ABRAXAS1: variants seen among roughly 807,000 people sequenced by gnomAD.
ABRAXAS1 encodes abraxas 1, BRCA1 A complex subunit.
A neutral mutation model predicts 38.4 loss-of-function variants in ABRAXAS1; 26 were observed. The ratio of observed to expected loss-of-function variants is 0.68; its 90% CI spans 0.50 to 0.94. The LOEUF is 0.94. Among genes scored for constraint, ABRAXAS1 ranks in the 40% least tolerant of loss-of-function variants. The pLI is 0.00. For synonymous variants in ABRAXAS1, 144 were observed against 165.5 expected (o/e 0.87, Z 1.00); for missense variants, 438 against 481.9 (o/e 0.91, Z 0.85).
intron 2 of ABRAXAS1, chr4:83,478,265 G>T (rs2110046232): frequency 6.0e-6 from 4 of 671,456 alleles, no homozygotes; most frequent in Non-Finnish European, 1.1e-5. Flanking sequence ...CGTGGGACAT[G>T]TGGATCTCTA....
chr4:83,463,510 T>C lies in ABRAXAS1; in HGVS notation c.780A>G (p.Ala260=), dbSNP rs1198547223. The change falls in exon 8 of 9, where the codon GCA becomes GCG. Residue 260 remains alanine, a synonymous_variant. Coordinates refer to ENST00000321945, the MANE Select transcript of ABRAXAS1 (RefSeq NM_139076.3). ...TTTACTTACTTGCTGCCTGAATCTG[T>C]GCTCCTCTCCTTTTCTCAATTTCTC... ...LKREIEKRRG[A]QIQAAREKNI... is the part of the protein sequence containing the mutation. 1.4e-5 allele frequency: 22 copies of C among 1,605,854 alleles called. No homozygotes were observed. Among genetic ancestry groups the C allele is most frequent in the East Asian group, 2.2e-5 (1 of 44,684 alleles).
At chr4:83,469,236 A>AC in intron 5 of ABRAXAS1, 85 bp from the exon 6 acceptor site, 1 of 1,227,264 alleles carries the variant, frequency 8.1e-7, no homozygotes, top group Non-Finnish European at 1.2e-6. Context: ...CTTGTCCCCT[A>AC]CAAGATTTAA....
At position 83,470,117 on chromosome 4, in the gene ABRAXAS1, G is replaced by C. The variant is rs141840518; in HGVS notation, c.476+86C>G. On this transcript the variant is annotated intron_variant, in intron 5 of 8. Transcript: ENST00000321945. ...GACAATCTGATGCGACAATATATGAGAACACTTTGTAAGCTGCAAAAAGTA... is the reference window on the plus strand; with the variant it reads ...GACAATCTGATGCGACAATATATGACAACACTTTGTAAGCTGCAAAAAGTA... The C allele has an allele frequency of 1.2e-4, 115 of 990,476 alleles. No homozygotes were observed. In the African/African-American group the frequency reaches 1.6e-3, roughly 14 times the overall value. 61.4% of individuals were successfully genotyped at this position (990,476 alleles called of 1,614,324 possible).
Position 83,461,101 on chromosome 4 carries a change from C to CT in ABRAXAS1, c.*1367dup, listed in dbSNP as rs1198573981. Reference sequence around the variant, plus strand: ...TTTGCTCATTATGTTTTGTCAAGAACTTTAATTATCTCTTTACAGGGTTTA... The same window carrying CT: ...TTTGCTCATTATGTTTTGTCAAGAACTTTTAATTATCTCTTTACAGGGTTTA... On this transcript the variant is annotated 3_prime_UTR_variant, in exon 9 of 9. Transcript: ENST00000321945. 44 of 1,612,818 alleles carry CT rather than the reference C, an allele frequency of 2.7e-5. No individual in the cohort carries two copies. In the Admixed American group the frequency reaches 2.8e-4, roughly 10 times the overall value.
rs113566465 is a variant in ABRAXAS1 at position 83,480,650 on chromosome 4, A to G, written c.178+1504T>C. ...GATCAAAAACCTTACAAGTGTTCAT[A>G]CCCTGTGACACAGTAATACCATATC... On this transcript the variant is annotated intron_variant, in intron 2 of 8. Transcript: ENST00000321945. Among the ~76,000 whole-genome samples the G allele has an allele frequency of 6.0e-3, 919 of 152,318 alleles. 11 individuals are homozygous for G. The highest frequency in any genetic ancestry group is 0.021 in the African/African-American group (879 of 41,572).
chr4:83,463,566 T>C lies in ABRAXAS1; in HGVS notation c.724A>G (p.Lys242Glu). The change falls in exon 8 of 9, where the codon AAA becomes GAA. Residue 242 changes from lysine (K) to glutamate (E), a missense_variant. By Grantham distance (56) the Lys-to-Glu change is moderately conservative (BLOSUM62 1). Transcript: ENST00000321945. ...KVEDSEQAVD[K>E]LVKDVNRLKR... ...AATCTGTTTACATCCTTTACTAGTT[T>C]ATCTACTGCTTGTTCACTGTCTTCC... 1.2e-6 allele frequency: 2 copies of C among 1,611,558 alleles called. No individual in the cohort carries two copies. Among genetic ancestry groups the C allele is most frequent in the Non-Finnish European group, 8.5e-7 (1 of 1,179,068 alleles).
chr4:83,483,119 T>C (rs568708639), intron 1 of ABRAXAS1, among the ~76,000 whole-genome samples: 1 of 152,308 alleles, frequency 6.6e-6, no homozygotes, highest in East Asian at 1.9e-4. Context: ...TTAAATTCAA[T>C]TTCAGAGTCT....
At position 83,467,477 on chromosome 4, in the gene ABRAXAS1, C is replaced by T. The variant is rs748861737; in HGVS notation, c.658G>A (p.Ala220Thr). The T allele has an allele frequency of 2.2e-5, 34 of 1,554,390 alleles. No individual in the cohort carries two copies. The highest frequency in any genetic ancestry group is 2.7e-5 in the Non-Finnish European group (31 of 1,128,744). ...KEVHKINEMY[A>T]SLQEELKSIC... is the part of the protein sequence containing the mutation. Reference sequence around the variant, plus strand: ...ACCTTTAATTCCTCTTGTAATGAAGCATACATTTCATTTATCTTATGTACC... The same window carrying T: ...ACCTTTAATTCCTCTTGTAATGAAGTATACATTTCATTTATCTTATGTACC... Residue 220 changes from alanine to threonine, a missense_variant, in exon 7 of 9, where the codon GCT becomes ACT. By Grantham distance (58) the Ala-to-Thr change is moderately conservative. Transcript: ENST00000321945.
rs903358483 is a variant in ABRAXAS1 at position 83,469,376 on chromosome 4, C to T, written c.477-225G>A. On this transcript the variant is annotated intron_variant, in intron 5 of 8. Coordinates refer to ENST00000321945, the MANE Select transcript of ABRAXAS1 (RefSeq NM_139076.3). ...TCTCCCAGGCTGCAGTGCAGTGGTG[C>T]GATCATGGCTCAATAATGCAGCTTC... 1.0e-4 allele frequency: 46 copies of T among 444,512 alleles called. No homozygotes were observed. The East Asian group carries it at 1.0e-3, about 10-fold the overall frequency. 27.5% of individuals were successfully genotyped at this position (444,512 alleles called of 1,614,324 possible).
chr4:83,468,148 A>G (rs183541302), intron 6 of ABRAXAS1, among the ~76,000 whole-genome samples: 3 of 152,126 alleles, frequency 2.0e-5, no homozygotes, highest in Admixed American at 1.3e-4. Flanking sequence ...ACTAAAAAAA[A>G]TACAAAATTA....
intron 2 of ABRAXAS1, among the ~76,000 whole-genome samples, chr4:83,481,103 G>C (rs990975215): frequency 6.6e-6 from 1 of 151,832 alleles, no homozygotes; most frequent in Non-Finnish European, 1.5e-5. Context: ...CTGCACTCCA[G>C]CCTGGGCAAC....
intron 2 of ABRAXAS1, chr4:83,480,214 C>CA (rs954646003): frequency 9.8e-5 from 24 of 244,152 alleles, no homozygotes; most frequent in South Asian, 2.0e-4. Flanking sequence ...ACTAAAAATA[C>CA]AAAAAAAATT....
At chr4:83,477,936 A>C in intron 2 of ABRAXAS1, 1 of 830,604 alleles carries the variant, frequency 1.2e-6, no homozygotes, top group Non-Finnish European at 2.1e-6. Flanking sequence ...AATCCCACCG[A>C]TGTTCTAAAG....
Position 83,461,248 on chromosome 4 carries a change from G to A in ABRAXAS1, c.*1221C>T, listed in dbSNP as rs766245849. 7 of 1,545,306 alleles carry A rather than the reference G, an allele frequency of 4.5e-6. No individual in the cohort carries two copies. Among genetic ancestry groups the A allele is most frequent in the Non-Finnish European group, 6.2e-6 (7 of 1,120,536 alleles). ...CTTATTTTACAGTAAGTGGTTGTAT[G>A]ATGCCAATACTGACTCAAACCAACC... On this transcript the variant is annotated 3_prime_UTR_variant, in exon 9 of 9. Coordinates refer to ENST00000321945, the MANE Select transcript of ABRAXAS1 (RefSeq NM_139076.3).
At chr4:83,470,574 C>T (rs1722543823) in intron 4 of ABRAXAS1, among the ~76,000 whole-genome samples, 178 bp from the exon 5 acceptor site, 6 of 152,092 alleles carry the variant, frequency 3.9e-5, no homozygotes, top group Admixed American at 3.3e-4. Flanking sequence ...AACATACAAA[C>T]TGACTTACTT....
At chr4:83,465,887 T>C (rs542163182) in intron 7 of ABRAXAS1, among the ~76,000 whole-genome samples, 2 of 152,342 alleles carry the variant, frequency 1.3e-5, no homozygotes, top group East Asian at 3.9e-4. Flanking sequence ...TTATTTTAAC[T>C]GCTTTTCTGT....
chr4:83,482,673 G>A (rs1025234089), intron 1 of ABRAXAS1, among the ~76,000 whole-genome samples: 4 of 152,198 alleles, frequency 2.6e-5, no homozygotes, highest in African/African-American at 9.6e-5. Context: ...TCCAGCCCAG[G>A]CGATAGAGTG....
chr4:83,484,418 A>T (rs1723104095), intron 1 of ABRAXAS1, among the ~76,000 whole-genome samples: 1 of 152,262 alleles, frequency 6.6e-6, no homozygotes, highest in Non-Finnish European at 1.5e-5. Flanking sequence ...GTACTTTTAA[A>T]AACTGTTTTA....
intron 2 of ABRAXAS1, among the ~76,000 whole-genome samples, chr4:83,481,940 G>C (rs1455507600): frequency 6.6e-6 from 1 of 151,954 alleles, no homozygotes; most frequent in Non-Finnish European, 1.5e-5. Flanking sequence ...AGTAGAGATG[G>C]GTTTCACCAT....
Sources: gnomAD v4.1 joint callset for allele counts (sites outside exome capture counted in the v4.1 genomes callset) on GRCh38, gnomAD v4.1.1 for gene constraint, MANE v1.5 for transcripts, NCBI Gene and HGNC (gene_info 2026-07-23, HGNC 2026-07-21) for gene names.